Variants in CCBE1 observed in about 807,000 individuals in gnomAD.
CCBE1 encodes the protein collagen and calcium-binding EGF domain-containing protein 1.
A neutral mutation model predicts 50.0 loss-of-function variants in CCBE1; 37 were observed. The observed-to-expected ratio is 0.74, with a 90% CI of 0.57 to 0.97. CCBE1 has a LOEUF of 0.97. Among genes scored for constraint, CCBE1 ranks in the 50% least tolerant of loss-of-function variants. CCBE1 has a pLI of 0.00. For missense variants in CCBE1, 538 were observed against 523.8 expected, an observed-to-expected ratio of 1.03 and a Z score of -0.26; for synonymous variants, 234 against 203.7, an observed-to-expected ratio of 1.15 and a Z score of -1.27.
chr18:59,466,352 G>C (rs1213212374), intron 5 of CCBE1, among the ~76,000 whole-genome samples: 1 of 152,040 alleles, frequency 6.6e-6, no homozygotes, highest in African/African-American at 2.4e-5. Flanking sequence ...ACGTTCTCTT[G>C]CCTGCAACCG....
At chr18:59,524,002 A>G (rs2144333429) in intron 2 of CCBE1, among the ~76,000 whole-genome samples, 1 of 152,336 alleles carries the variant, frequency 6.6e-6, no homozygotes, top group Admixed American at 6.5e-5. Flanking sequence ...TTACCGAAAC[A>G]AGCCTTTATG....
intron 2 of CCBE1, among the ~76,000 whole-genome samples, chr18:59,490,503 T>C (rs1913049549): frequency 6.6e-6 from 1 of 152,180 alleles, no homozygotes; most frequent in Non-Finnish European, 1.5e-5. Flanking sequence ...TTTGGTTTAT[T>C]TCTAATGCCA....
intron 7 of CCBE1, among the ~76,000 whole-genome samples, chr18:59,443,687 T>G (rs1026331083): frequency 3.3e-5 from 5 of 152,168 alleles, no homozygotes; most frequent in African/African-American, 1.2e-4. Context: ...CAGGCTAGTC[T>G]TGAACTCCTG....
intron 2 of CCBE1, among the ~76,000 whole-genome samples, chr18:59,633,514 G>T (rs540141816): frequency 1.4e-4 from 22 of 152,342 alleles, no homozygotes; most frequent in African/African-American, 4.8e-4. Flanking sequence ...GCCGAGAACA[G>T]AACATGGCCT....
intron 2 of CCBE1, among the ~76,000 whole-genome samples, chr18:59,540,303 C>A (rs1183255667): frequency 2.6e-5 from 4 of 152,154 alleles, no homozygotes; most frequent in Non-Finnish European, 5.9e-5. Context: ...GCTTAATTTT[C>A]ATCCATTATC....
chr18:59,498,516 T>C (rs1913462872), intron 2 of CCBE1, among the ~76,000 whole-genome samples: 1 of 152,220 alleles, frequency 6.6e-6, no homozygotes, highest in African/African-American at 2.4e-5. Context: ...ATGCATTTTA[T>C]GGAATTAGTG....
chr18:59,683,110 C>G (rs556644572), intron 2 of CCBE1, among the ~76,000 whole-genome samples: 1 of 152,294 alleles, frequency 6.6e-6, no homozygotes, highest in South Asian at 2.1e-4. Flanking sequence ...GTGCTTTCCC[C>G]TCATCATGAA....
chr18:59,693,421 A>C (rs745846859), intron 2 of CCBE1, among the ~76,000 whole-genome samples: 3 of 152,222 alleles, frequency 2.0e-5, no homozygotes, highest in Admixed American at 1.3e-4. Context: ...GGGTGGAGGC[A>C]GCCAGGGCTT....
chr18:59,666,993 GC>G (rs1393033264), intron 2 of CCBE1, among the ~76,000 whole-genome samples: 4 of 152,094 alleles, frequency 2.6e-5, no homozygotes, highest in Admixed American at 2.0e-4. Context: ...GTTACAAGAG[GC>G]CAGGCTCAGT....
At chr18:59,463,634 G>A (rs888349099) in intron 5 of CCBE1, among the ~76,000 whole-genome samples, 7 of 151,210 alleles carry the variant, frequency 4.6e-5, no homozygotes, top group South Asian at 2.1e-4. Flanking sequence ...TGGTCTCCCC[G>A]CAGGCCACTC....
intron 2 of CCBE1, among the ~76,000 whole-genome samples, chr18:59,567,111 TTTTTC>T (rs375452749): frequency 6.5e-4 from 99 of 152,196 alleles, no homozygotes; most frequent in Non-Finnish European, 1.0e-3. Flanking sequence ...TTAAACGCAT[TTTTTC>T]TTTTCTTTTC....
At position 59,630,658 on chromosome 18, in the gene CCBE1, C is replaced by T. The variant is rs905636961; in HGVS notation, c.212+65971G>A. Among the ~76,000 whole-genome samples the T allele has an allele frequency of 5.9e-5, 9 of 152,200 alleles. No individual in the cohort carries two copies. In the East Asian group the frequency reaches 1.7e-3, roughly 29 times the overall value. On this transcript the variant is annotated intron_variant, in intron 2 of 10. Transcript: ENST00000439986. ...CTGTCACCAGAACACGTAAGTGTGA[C>T]CTCTCCAGCATGATGGTCTCAGGTT...
At chr18:59,613,863 GTTT>G (rs34847608) in intron 2 of CCBE1, among the ~76,000 whole-genome samples, 6 of 98,448 alleles carry the variant, frequency 6.1e-5, no homozygotes, top group African/African-American at 1.5e-4. Context: ...TCTCTGATGG[GTTT>G]TTTTTTTTTT....
rs2054687027 is a variant in CCBE1, at chr18:59,688,490, G to A, written c.212+8139C>T. ...CAAACCCTAACATGTTGAAATGTAT[G>A]GAGAGGTGGCTTTCAGCCTACAAAG... On this transcript the variant is annotated intron_variant, in intron 2 of 10. Coordinates refer to ENST00000439986, the MANE Select transcript of CCBE1 (RefSeq NM_133459.4). The A allele has an allele frequency of 3.3e-5, 5 of 152,234 alleles. No homozygotes were observed. In the South Asian group the frequency reaches 1.0e-3, roughly 32 times the overall value. The allele number at this position is 152,234 out of a possible 1,614,324, so 9.4% of individuals were successfully genotyped here. A position where few individuals can be genotyped will look rare whatever the true frequency, so the allele number is the denominator to read the frequency against.
chr18:59,589,995 G>GAC (rs894569638), intron 2 of CCBE1, among the ~76,000 whole-genome samples: 1 of 151,996 alleles, frequency 6.6e-6, no homozygotes, highest in Non-Finnish European at 1.5e-5. Context: ...TTGATTAAAA[G>GAC]ACACACACCG....
chr18:59,672,052 A>C (rs543905343), intron 2 of CCBE1, among the ~76,000 whole-genome samples: 71 of 152,202 alleles, frequency 4.7e-4, no homozygotes, highest in Non-Finnish European at 1.3e-4. Flanking sequence ...TTCTATGTGC[A>C]TTAACATAGG....
chr18:59,531,928 G>T (rs1361080473), intron 2 of CCBE1, among the ~76,000 whole-genome samples: 1 of 152,152 alleles, frequency 6.6e-6, no homozygotes, highest in Non-Finnish European at 1.5e-5. Context: ...CCAAGGCATC[G>T]CTTTTCACCT....
At chr18:59,597,543 GAA>G (rs770639910) in intron 2 of CCBE1, among the ~76,000 whole-genome samples, 1 of 147,410 alleles carries the variant, frequency 6.8e-6, no homozygotes, top group Non-Finnish European at 1.5e-5. Flanking sequence ...GGTGGGAGGA[GAA>G]AATTAACTAC....
At chr18:59,443,950 T>C (rs931222971) in intron 7 of CCBE1, among the ~76,000 whole-genome samples, 3 of 152,188 alleles carry the variant, frequency 2.0e-5, no homozygotes, top group Non-Finnish European at 4.4e-5. Flanking sequence ...TTTCTATGAG[T>C]TTAATTATTT....
Sources: allele counts gnomAD v4.1 joint callset (sites outside exome capture counted in the v4.1 genomes callset), GRCh38; gene constraint gnomAD v4.1.1; transcripts MANE v1.5; gene names NCBI Gene and HGNC (gene_info 2026-07-23, HGNC 2026-07-21).